The following DNMT3A variants were observed in gnomAD, a reference collection of about 807,000 sequenced individuals.
DNMT3A encodes the protein DNA (cytosine-5)-methyltransferase 3A.
In DNMT3A, 267 loss-of-function variants were observed where a neutral mutation model predicts 117.6. The ratio of observed to expected loss-of-function variants is 2.27; its 90% CI spans 2.05 to 2.51. The LOEUF (loss-of-function observed/expected upper bound fraction) is 2.51. DNMT3A is among the 30% of genes most tolerant of loss of function. The pLI is 0.00. For missense variants in DNMT3A, 1,029 were observed against 1,260.2 expected (o/e 0.82, Z 2.78); for synonymous variants, 432 against 474.8 (o/e 0.91, Z 1.17).
At chr2:25,278,139 C>T (rs2031610949) in intron 4 of DNMT3A, among the ~76,000 whole-genome samples, 1 of 152,170 alleles carries the variant, frequency 6.6e-6, no homozygotes, top group Non-Finnish European at 1.5e-5. Flanking sequence ...CTATGCAGCC[C>T]AACTGCTCCT....
intron 2 of DNMT3A, among the ~76,000 whole-genome samples, chr2:25,309,004 C>CACACACAT (rs1573472161): frequency 6.6e-6 from 1 of 152,042 alleles, no homozygotes; most frequent in Non-Finnish European, 1.5e-5. Context: ...CACACACGCA[C>CACACACAT]GCACATGTGC....
chr2:25,244,541 T>TGC lies in DNMT3A; in HGVS notation c.1664_1665dup (p.Arg556AlafsTer96). On this transcript the variant is annotated frameshift_variant and splice_region_variant, in exon 14 of 23. Coordinates refer to ENST00000321117, the MANE Select transcript of DNMT3A (RefSeq NM_022552.5). LOFTEE classifies it high-confidence loss of function. ...CACTGGAGGCCACAACAGCCTCACCTGCAGCAGTTGTTGTTTCCGCACATG... is the reference window on the plus strand; with the variant it reads ...CACTGGAGGCCACAACAGCCTCACCTGCGCAGCAGTTGTTGTTTCCGCACATG... 6.2e-7 allele frequency: 1 copy of TGC among 1,614,112 alleles called. No individual in the cohort carries two copies. Among genetic ancestry groups the TGC allele is most frequent in the Non-Finnish European group, 8.5e-7 (1 of 1,179,968 alleles).
In DNMT3A at chr2:25,275,816, G is replaced by T. The variant is rs569463902; in HGVS notation, c.449-273C>A. ...GGAACACGAGGAAATTCAGAGCTGG[G>T]TTTCTGGCCTGTCAACTCTGTCTCA... On this transcript the variant is annotated intron_variant, in intron 4 of 22. Coordinates refer to ENST00000321117, the MANE Select transcript of DNMT3A (RefSeq NM_022552.5). 2.0e-5 allele frequency among the ~76,000 whole-genome samples: 3 copies of T among 152,290 alleles called. No individual in the cohort carries two copies. In the South Asian group the frequency reaches 6.2e-4, roughly 32 times the overall value.
chr2:25,238,304 A>T (rs1262396926), intron 20 of DNMT3A, among the ~76,000 whole-genome samples: 1 of 152,140 alleles, frequency 6.6e-6, no homozygotes, highest in African/African-American at 2.4e-5. Context: ...CATGTATGAG[A>T]TGGGGAAGGT....
rs1210923418 is a variant in DNMT3A at position 25,234,848 on chromosome 2, T to C, written c.2598-428A>G. 6.6e-6 allele frequency among the ~76,000 whole-genome samples: 1 copy of C among 152,112 alleles called. No individual in the cohort carries two copies. The highest frequency in any genetic ancestry group is 1.5e-5 in the Non-Finnish European group (1 of 68,024). ...ACACGTAGCCCTAGCATCCTCCCCA[T>C]CAAGAGCAGGGAAGGCGAAAAAGGA... On this transcript the variant is annotated intron_variant, in intron 22 of 22. Transcript: ENST00000321117. This position sits in a 1 kb window ranked among gnomAD's most constrained non-coding sequence, Gnocchi z 4.5.
chr2:25,318,935 G>A (rs1465732481), intron 1 of DNMT3A, among the ~76,000 whole-genome samples: 2 of 150,496 alleles, frequency 1.3e-5, no homozygotes, highest in African/African-American at 4.9e-5. Context: ...TCCTGACCTC[G>A]TGATCTGCCT....
At chr2:25,340,625 G>C (rs898440159) in intron 1 of DNMT3A, among the ~76,000 whole-genome samples, 1 of 152,120 alleles carries the variant, frequency 6.6e-6, no homozygotes, top group African/African-American at 2.4e-5. Context: ...GTGCGGGGAC[G>C]TGGGGCCGAA....
Position 25,271,232 on chromosome 2 carries a change from A to C in DNMT3A, c.639+3709T>G, listed in dbSNP as rs186612586. On this transcript the variant is annotated intron_variant, in intron 6 of 22. Coordinates refer to ENST00000321117, the MANE Select transcript of DNMT3A (RefSeq NM_022552.5). ...TGTGTCAGCAGGTGCCTGTGATCCCAGCCACTCGGGAGGCTGAGGCAGGAG... is the reference window on the plus strand; with the variant it reads ...TGTGTCAGCAGGTGCCTGTGATCCCCGCCACTCGGGAGGCTGAGGCAGGAG... Among the ~76,000 whole-genome samples, 30 of 152,266 alleles carry C rather than the reference A, an allele frequency of 2.0e-4. No homozygotes were observed. In the East Asian group the frequency reaches 5.4e-3, roughly 27 times the overall value.
chr2:25,246,657 GA>G lies in DNMT3A; in HGVS notation c.1241del (p.Phe414SerfsTer237). 6.2e-7 allele frequency: 1 copy of G among 1,613,412 alleles called. No individual in the cohort carries two copies. The highest frequency in any genetic ancestry group is 8.5e-7 in the Non-Finnish European group (1 of 1,179,930). ...KPMIEWALGG[F>X]QPSGPKGLEP... ...CCAGGCCCTTAGGGCCAGAAGGCTG[GA>G]AGCCCCCCAGGGCCCATTCAATCAT... is the stretch of plus-strand genomic sequence containing the variant. On this transcript the variant is annotated frameshift_variant, in exon 10 of 23. Coordinates refer to ENST00000321117, the MANE Select transcript of DNMT3A (RefSeq NM_022552.5). LOFTEE classifies it high-confidence loss of function.
chr2:25,275,195 G>A, intron 5 of DNMT3A, 108 bp from the exon 6 acceptor site: 1 of 1,411,336 alleles, frequency 7.1e-7, no homozygotes, highest in Non-Finnish European at 9.3e-7. Context: ...GCCAGAGAGG[G>A]CACCCCTGGG....
chr2:25,264,652 G>C (rs4665291), intron 6 of DNMT3A, among the ~76,000 whole-genome samples: 5 of 150,958 alleles, frequency 3.3e-5, no homozygotes, highest in Admixed American at 2.0e-4. Context: ...TTAGTAGAGA[G>C]GGGGTTTCAC....
Position 25,304,974 on chromosome 2 carries a change from T to C in DNMT3A, c.73-4731A>G, listed in dbSNP as rs1249587418. On this transcript the variant is annotated intron_variant, in intron 2 of 22. Transcript: ENST00000321117. This position sits in a 1 kb window ranked among gnomAD's most constrained non-coding sequence, Gnocchi z 4.3. ...GTTCCCCTACCCAGCAAGGCAACGG[T>C]CAGCTCCTTGAGGGAAGTGTGGGTG... Among the ~76,000 whole-genome samples the C allele has an allele frequency of 6.6e-6, 1 of 152,230 alleles. No individual in the cohort carries two copies. Among genetic ancestry groups the C allele is most frequent in the Non-Finnish European group, 1.5e-5 (1 of 68,048 alleles).
At position 25,282,293 on chromosome 2, in the gene DNMT3A, C is replaced by A; in HGVS notation, c.448+148G>T. On this transcript the variant is annotated intron_variant, in intron 4 of 22. Coordinates refer to ENST00000321117, the MANE Select transcript of DNMT3A (RefSeq NM_022552.5). This position sits in a 1 kb window ranked among gnomAD's most constrained non-coding sequence, Gnocchi z 5.2. ...AACATATGCGCAGGCTGCATCCAGC[C>A]AGTAGCCTCCAGGCCATAGCCTTGG... 6.9e-7 allele frequency: 1 copy of A among 1,453,898 alleles called. No individual in the cohort carries two copies. The highest frequency in any genetic ancestry group is 9.1e-7 in the Non-Finnish European group (1 of 1,101,294). The allele number at this position is 1,453,898 out of a possible 1,614,324, so 90.1% of individuals were successfully genotyped here. A position where few individuals can be genotyped will look rare whatever the true frequency, so the allele number is the denominator to read the frequency against.
chr2:25,292,926 AGGCCAG>A (rs2032865749), intron 3 of DNMT3A, among the ~76,000 whole-genome samples: 1 of 152,102 alleles, frequency 6.6e-6, no homozygotes, highest in Non-Finnish European at 1.5e-5. Flanking sequence ...AAGGCCACCA[AGGCCAG>A]GACCTGTGGG....
chr2:25,326,589 G>C (rs1356021884), intron 1 of DNMT3A, among the ~76,000 whole-genome samples: 5 of 152,202 alleles, frequency 3.3e-5, no homozygotes, highest in Non-Finnish European at 7.3e-5. Context: ...GGCATTGAAG[G>C]AGGAGGTGGG....
rs1005462880 is a variant in DNMT3A, at chr2:25,341,909, G to T, written c.-261C>A. On this transcript the variant is annotated 5_prime_UTR_variant, in exon 1 of 23. Coordinates refer to ENST00000321117, the MANE Select transcript of DNMT3A (RefSeq NM_022552.5). The stretch of plus-strand genomic sequence containing the variant: ...TCCCGGCTCGTCCTCTGCTCTCGCC[G>T]CCGCCGCCGCCCGCGCGCCCTCCCT... 1 of 978,826 alleles carries T rather than the reference G, an allele frequency of 1.0e-6. No individual in the cohort carries two copies. The highest frequency in any genetic ancestry group is 1.8e-5 in the African/African-American group (1 of 55,768). 60.6% of individuals were successfully genotyped at this position (978,826 alleles called of 1,614,324 possible).
Position 25,236,214 on chromosome 2 carries a change from C to T in DNMT3A, c.2479-389G>A, listed in dbSNP as rs1265463354. 2.6e-5 allele frequency among the ~76,000 whole-genome samples: 4 copies of T among 152,164 alleles called. No homozygotes were observed. The highest frequency in any genetic ancestry group is 2.1e-4 in the South Asian group (1 of 4,826). ...CTGAGTAGCTGGGACTACAGGCGCCCGCCACCATGCCTGGCTAATTTTTAT... is the reference window on the plus strand; with the variant it reads ...CTGAGTAGCTGGGACTACAGGCGCCTGCCACCATGCCTGGCTAATTTTTAT... On this transcript the variant is annotated intron_variant, in intron 21 of 22. Coordinates refer to ENST00000321117, the MANE Select transcript of DNMT3A (RefSeq NM_022552.5). This position sits in a 1 kb window ranked among gnomAD's most constrained non-coding sequence, Gnocchi z 4.5.
chr2:25,319,485 G>A (rs55893683), intron 1 of DNMT3A, among the ~76,000 whole-genome samples: 5,947 of 152,212 alleles, frequency 0.039, 149 homozygotes, highest in South Asian at 0.082. Flanking sequence ...GAGGCCTCAC[G>A]CTCCTTTCCC....
chr2:25,340,795 CCCCCCCTG>C (rs2035392531), intron 1 of DNMT3A, among the ~76,000 whole-genome samples: 1 of 149,170 alleles, frequency 6.7e-6, no homozygotes, highest in African/African-American at 2.5e-5. Context: ...CCCGGGCGTA[CCCCCCCTG>C]CGCCGCTCCC....
Sources: allele counts gnomAD v4.1 joint callset (sites outside exome capture counted in the v4.1 genomes callset), GRCh38; gene constraint gnomAD v4.1.1; non-coding constraint Gnocchi (gnomAD v3.1); transcripts MANE v1.5; gene names NCBI Gene and HGNC (gene_info 2026-07-23, HGNC 2026-07-21).